ASIC2: variants seen among roughly 807,000 people sequenced by gnomAD.
The protein encoded by ASIC2 is acid sensing ion channel subunit 2, also known as acid-sensing ion channel 2.
In ASIC2, 25 loss-of-function variants were observed where a neutral mutation model predicts 57.3. That is an observed-to-expected ratio of 0.44 (90% CI 0.32 to 0.61). ASIC2 has a LOEUF of 0.61. Among genes scored for constraint, ASIC2 ranks in the 20% least tolerant of loss-of-function variants. The pLI, the probability that ASIC2 is intolerant of heterozygous loss-of-function variation, is 0.06. For missense variants in ASIC2, 641 were observed against 738.1 expected (o/e 0.87, Z 1.52); for synonymous variants, 319 against 307.5 (o/e 1.04, Z -0.39).
chr17:33,838,747 C>T (rs912925867), intron 1 of ASIC2, among the ~76,000 whole-genome samples: 6 of 152,258 alleles, frequency 3.9e-5, no homozygotes, highest in African/African-American at 1.4e-4. Flanking sequence ...ATTCTGAATG[C>T]CCATTAAAAT....
At chr17:33,774,204 A>G (rs1382570238) in intron 1 of ASIC2, among the ~76,000 whole-genome samples, 1 of 152,126 alleles carries the variant, frequency 6.6e-6, no homozygotes, top group Non-Finnish European at 1.5e-5. Flanking sequence ...TTAATTTGTT[A>G]TTTCAGAATC....
intron 1 of ASIC2, among the ~76,000 whole-genome samples, chr17:33,194,813 G>A (rs765412292): frequency 1.3e-5 from 2 of 152,184 alleles, no homozygotes; most frequent in African/African-American, 2.4e-5. Flanking sequence ...GACACGTGGT[G>A]AAACCCAACT....
chr17:33,378,024 C>A (rs955293959), intron 1 of ASIC2, among the ~76,000 whole-genome samples: 2 of 152,172 alleles, frequency 1.3e-5, no homozygotes, highest in African/African-American at 4.8e-5. Context: ...CAGCAGATAC[C>A]CCCTGGTAGG....
chr17:33,733,548 T>C (rs1347983562), intron 1 of ASIC2, among the ~76,000 whole-genome samples: 1 of 152,210 alleles, frequency 6.6e-6, no homozygotes. Context: ...TCTCTGAGTT[T>C]CTTACCTCCC....
intron 1 of ASIC2, among the ~76,000 whole-genome samples, chr17:33,878,696 C>T (rs1369280229): frequency 6.6e-6 from 1 of 152,200 alleles, no homozygotes; most frequent in African/African-American, 2.4e-5. Context: ...GGATATTATC[C>T]AGGAGCACTT....
intron 3 of ASIC2, among the ~76,000 whole-genome samples, chr17:33,056,465 A>C (rs1375816057): frequency 6.6e-6 from 1 of 152,076 alleles, no homozygotes; most frequent in Middle Eastern, 3.2e-3. Context: ...TCCCTGGCCC[A>C]GTAGGATTCA....
chr17:33,091,604 C>T (rs1345422447), intron 2 of ASIC2, among the ~76,000 whole-genome samples: 1 of 152,194 alleles, frequency 6.6e-6, no homozygotes, highest in Non-Finnish European at 1.5e-5. Context: ...GCCTGGTGTG[C>T]CTCTCTTAGT....
At chr17:33,827,313 G>A (rs1912952633) in intron 1 of ASIC2, among the ~76,000 whole-genome samples, 1 of 137,094 alleles carries the variant, frequency 7.3e-6, no homozygotes, top group Non-Finnish European at 1.6e-5. Context: ...AGACCCATAG[G>A]ACTAGGTCCT....
rs139886863 is a variant in ASIC2 at position 33,376,494 on chromosome 17, T to C, written c.556-264427A>G. Among the ~76,000 whole-genome samples the C allele has an allele frequency of 2.8e-3, 432 of 152,344 alleles. 5 individuals carry two copies. Among genetic ancestry groups the C allele is most frequent in the African/African-American group, 1.0e-2 (414 of 41,574 alleles). On this transcript the variant is annotated intron_variant, in intron 1 of 9. Coordinates refer to the ASIC2 transcript ENST00000359872. ...AAAGTGCATGGAATAATCAATCTTA[T>C]CTTAAACTTATTGAGAACTAATTCT... is the stretch of plus-strand genomic sequence containing the variant.
intron 1 of ASIC2, chr17:34,039,008 T>C (rs1419773373): frequency 1.7e-5 from 27 of 1,614,072 alleles, no homozygotes; most frequent in Middle Eastern, 3.3e-4. Context: ...TCTTGCATGC[T>C]CTTATCTCTA....
intron 1 of ASIC2, among the ~76,000 whole-genome samples, chr17:33,773,931 T>G (rs953099287): frequency 1.3e-5 from 2 of 152,122 alleles, no homozygotes; most frequent in African/African-American, 4.8e-5. Context: ...CCTCCCAAAG[T>G]GTTGGGATGT....
chr17:33,422,571 T>A (rs1404652929), intron 1 of ASIC2, among the ~76,000 whole-genome samples: 1 of 152,158 alleles, frequency 6.6e-6, no homozygotes, highest in Non-Finnish European at 1.5e-5. Flanking sequence ...TGTGCTCCAG[T>A]AGAGTCTCTC....
At chr17:33,699,998 A>G (rs1363024770) in intron 1 of ASIC2, among the ~76,000 whole-genome samples, 1 of 147,346 alleles carries the variant, frequency 6.8e-6, no homozygotes, top group Non-Finnish European at 1.5e-5. Flanking sequence ...TGGAAAAAAA[A>G]ACCCTGAAAA....
chr17:33,424,242 C>A (rs1911140460), intron 1 of ASIC2, among the ~76,000 whole-genome samples: 1 of 152,232 alleles, frequency 6.6e-6, no homozygotes, highest in Admixed American at 6.5e-5. Flanking sequence ...CCTCCTGCCA[C>A]CTAGAACTTT....
At chr17:33,970,434 C>A (rs1461735161) in intron 1 of ASIC2, among the ~76,000 whole-genome samples, 1 of 152,238 alleles carries the variant, frequency 6.6e-6, no homozygotes, top group East Asian at 1.9e-4. Flanking sequence ...GCAGTGCCCA[C>A]ACCCAGCTGT....
chr17:33,758,017 A>G (rs1026844462), intron 1 of ASIC2, among the ~76,000 whole-genome samples: 2 of 152,252 alleles, frequency 1.3e-5, no homozygotes, highest in African/African-American at 2.4e-5. Flanking sequence ...TGATTTCTGC[A>G]TAAAGAGGAC....
chr17:33,353,617 C>T (rs184929460), intron 1 of ASIC2, among the ~76,000 whole-genome samples: 19 of 152,240 alleles, frequency 1.2e-4, no homozygotes, highest in East Asian at 9.6e-4. Context: ...GAATTACAAG[C>T]GTGAGCCACC....
At chr17:33,578,526 T>G (rs1332197704) in intron 1 of ASIC2, among the ~76,000 whole-genome samples, 1 of 152,190 alleles carries the variant, frequency 6.6e-6, no homozygotes, top group African/African-American at 2.4e-5. Flanking sequence ...TAAAGGGACA[T>G]AGACAAAATG....
chr17:33,476,417 T>A (rs1913221384), intron 1 of ASIC2, among the ~76,000 whole-genome samples: 1 of 151,936 alleles, frequency 6.6e-6, no homozygotes, highest in South Asian at 2.1e-4. Context: ...ACATTTAAAC[T>A]TTTCATTCTT....
Sources: allele counts gnomAD v4.1 joint callset (sites outside exome capture counted in the v4.1 genomes callset), GRCh38; gene constraint gnomAD v4.1.1; transcripts MANE v1.5; gene names NCBI Gene and HGNC (gene_info 2026-07-23, HGNC 2026-07-21).